Variants in ESRRB observed in about 807,000 individuals in gnomAD.
ESRRB encodes estrogen related receptor beta.
In ESRRB, 16 loss-of-function variants were observed where a neutral mutation model predicts 46.0. The observed-to-expected ratio is 0.35, with a 90% CI of 0.24 to 0.53. The LOEUF (loss-of-function observed/expected upper bound fraction) is 0.53, where lower values mean the gene tolerates loss of function less well. Among genes scored for constraint, ESRRB ranks in the 20% least tolerant of loss-of-function variants. ESRRB has a pLI of 0.93. For missense variants in ESRRB, 488 were observed against 607.4 expected (o/e 0.80, Z 2.07); for synonymous variants, 246 against 259.6 (o/e 0.95, Z 0.50).
intron 2 of ESRRB, among the ~76,000 whole-genome samples, chr14:76,453,224 T>C (rs142868235): frequency 1.2e-3 from 189 of 152,320 alleles, no homozygotes; most frequent in Non-Finnish European, 2.5e-3. Context: ...TGAAAGGAGA[T>C]TGAGGAGTGC....
At chr14:76,326,009 C>T (rs1226194308) in intron 1 of ESRRB, among the ~76,000 whole-genome samples, 2 of 152,300 alleles carry the variant, frequency 1.3e-5, no homozygotes, top group East Asian at 1.9e-4. Flanking sequence ...TCCCTGAAGC[C>T]TCCCTAGTGA....
intron 1 of ESRRB, 122 bp from the exon 2 acceptor site, chr14:76,439,219 T>G: frequency 8.8e-7 from 1 of 1,135,986 alleles, no homozygotes; most frequent in Non-Finnish European, 1.3e-6. Flanking sequence ...TTCTCCACCG[T>G]TGTTTTATCG....
intron 1 of ESRRB, among the ~76,000 whole-genome samples, chr14:76,433,587 G>T (rs1212961859): frequency 6.6e-6 from 1 of 152,140 alleles, no homozygotes; most frequent in Non-Finnish European, 1.5e-5. Flanking sequence ...TTACAAGGTA[G>T]CTGGTGCTGC....
intron 5 of ESRRB, among the ~76,000 whole-genome samples, chr14:76,486,827 C>T (rs551217835): frequency 5.3e-5 from 8 of 152,292 alleles, no homozygotes; most frequent in Admixed American, 3.9e-4. Flanking sequence ...CAGACCCTCC[C>T]GGTAGCCTCT....
At chr14:76,346,204 C>T (rs1595050879) in intron 1 of ESRRB, among the ~76,000 whole-genome samples, 1 of 152,298 alleles carries the variant, frequency 6.6e-6, no homozygotes, top group East Asian at 1.9e-4. Context: ...ACTATTCAAC[C>T]CAGTACATGG....
chr14:76,477,153 C>T (rs1386439601), intron 3 of ESRRB, among the ~76,000 whole-genome samples: 1 of 152,196 alleles, frequency 6.6e-6, no homozygotes, highest in Non-Finnish European at 1.5e-5. Context: ...TCCCCAACCC[C>T]AGGCTAGGGG....
rs754105207 is a variant in ESRRB, at chr14:76,491,644, C to G, written c.1048C>G (p.Arg350Gly). ...ELYRAILQLV[R>G]RYKKLKVEKE... ...CTACCGGGCCATCCTGCAGCTGGTA[C>G]GCAGGTACAAGAAGCTCAAGGTGGA... is the stretch of plus-strand genomic sequence containing the variant. Residue 350 changes from arginine (R) to glycine (G), a missense_variant, in exon 6 of 7, where the codon CGC becomes GGC. By Grantham distance (125) the Arg-to-Gly change is moderately radical. Coordinates refer to ENST00000644823, the MANE Select transcript of ESRRB (RefSeq NM_001379180.1). 6.3e-7 allele frequency: 1 copy of G among 1,584,808 alleles called. No homozygotes were observed. The highest frequency in any genetic ancestry group is 8.6e-7 in the Non-Finnish European group (1 of 1,167,010).
rs1414951455 is a variant in ESRRB, at chr14:76,354,722, TTC to T, written c.2+43808_2+43809del. 3.9e-4 allele frequency among the ~76,000 whole-genome samples: 54 copies of T among 139,298 alleles called. 4 individuals carry two copies. Among genetic ancestry groups the T allele is most frequent in the East Asian group, 1.2e-3 (5 of 4,208 alleles). 91.4% of individuals were successfully genotyped at this position (139,298 alleles called of 152,430 possible). A position where few individuals can be genotyped will look rare whatever the true frequency, so the allele number is the denominator to read the frequency against. On this transcript the variant is annotated intron_variant, in intron 1 of 6. Transcript: ENST00000512784. ...GGTCCTGGGCTTTTTTTTTTTTTTT[TTC>T]TTTGAAATGAGTTTTGCTCTTGTTG...
intron 3 of ESRRB, among the ~76,000 whole-genome samples, chr14:76,479,716 G>A (rs532358473): frequency 1.1e-3 from 171 of 152,252 alleles, no homozygotes; most frequent in African/African-American, 3.9e-3. Context: ...TTGTGCCTCC[G>A]TTTGATGGTG....
chr14:76,452,300 C>T (rs778877100), intron 2 of ESRRB, among the ~76,000 whole-genome samples: 7 of 151,876 alleles, frequency 4.6e-5, no homozygotes, highest in Non-Finnish European at 8.8e-5. Flanking sequence ...GGCAAAAGGG[C>T]TAGAAGGAGA....
At chr14:76,457,086 A>ACCC (rs1346649192) in intron 2 of ESRRB, among the ~76,000 whole-genome samples, 5 of 152,096 alleles carry the variant, frequency 3.3e-5, no homozygotes, top group Non-Finnish European at 4.4e-5. Flanking sequence ...GCTGTTCATG[A>ACCC]ACAGCTGATG....
At chr14:76,464,447 C>T (rs1417277622) in intron 3 of ESRRB, among the ~76,000 whole-genome samples, 1 of 152,228 alleles carries the variant, frequency 6.6e-6, no homozygotes, top group Admixed American at 6.5e-5. Context: ...CCCACTTCAC[C>T]TCAGCTCAGC....
intron 1 of ESRRB, among the ~76,000 whole-genome samples, chr14:76,398,638 A>C (rs932943232): frequency 6.6e-6 from 1 of 152,066 alleles, no homozygotes; most frequent in African/African-American, 2.4e-5. Flanking sequence ...TAGGTAGTCA[A>C]GGGGGCATAC....
intron 1 of ESRRB, among the ~76,000 whole-genome samples, chr14:76,349,128 T>G (rs1282233407): frequency 6.6e-6 from 1 of 152,144 alleles, no homozygotes; most frequent in Non-Finnish European, 1.5e-5. Context: ...ACAGAGCCAA[T>G]GAGTGAGTCA....
intron 1 of ESRRB, among the ~76,000 whole-genome samples, chr14:76,419,102 C>T (rs1447543423): frequency 1.3e-5 from 2 of 152,102 alleles, no homozygotes; most frequent in African/African-American, 4.8e-5. Context: ...ACAACCTTCG[C>T]CTCTCAGGTT....
At chr14:76,444,439 C>T (rs1371959093) in intron 2 of ESRRB, among the ~76,000 whole-genome samples, 1 of 152,120 alleles carries the variant, frequency 6.6e-6, no homozygotes, top group Admixed American at 6.5e-5. Flanking sequence ...GAGACAAACT[C>T]AGAACTCAGT....
chr14:76,359,401 T>A (rs1194728754), intron 1 of ESRRB, among the ~76,000 whole-genome samples: 1 of 152,306 alleles, frequency 6.6e-6, no homozygotes, highest in East Asian at 1.9e-4. Context: ...GAAAAAACAA[T>A]AAATAACATT....
chr14:76,479,264 T>TGC (rs1457808076), intron 3 of ESRRB, among the ~76,000 whole-genome samples: 104 of 152,244 alleles, frequency 6.8e-4, no homozygotes, highest in African/African-American at 2.4e-3. Flanking sequence ...TGTGTGTGTG[T>TGC]GCTGATCTGA....
intron 1 of ESRRB, among the ~76,000 whole-genome samples, chr14:76,362,236 T>G (rs1427771662): frequency 6.6e-6 from 1 of 152,196 alleles, no homozygotes; most frequent in African/African-American, 2.4e-5. Context: ...CAAGCCATTT[T>G]AGAGACTGTG....
Sources: gnomAD v4.1 joint callset for allele counts (sites outside exome capture counted in the v4.1 genomes callset) on GRCh38, gnomAD v4.1.1 for gene constraint, MANE v1.5 for transcripts, NCBI Gene and HGNC (gene_info 2026-07-23, HGNC 2026-07-21) for gene names.